Variants in ALCAM observed in about 807,000 individuals in gnomAD.
The protein encoded by ALCAM is CD166 antigen.
Under a neutral mutation model 70.9 loss-of-function variants are expected in ALCAM, and 30 were observed. The ratio of observed to expected loss-of-function variants is 0.42; its 90% CI spans 0.32 to 0.57. The LOEUF (loss-of-function observed/expected upper bound fraction) is 0.57. ALCAM is among the 20% of genes least tolerant of loss of function. The probability of loss-of-function intolerance (pLI) is 0.11; values close to 1 mark genes in which losing one functional copy is unlikely to be tolerated. For synonymous variants in ALCAM, 249 were observed against 242.5 expected, an observed-to-expected ratio of 1.03 and a Z score of -0.25; for missense variants, 591 against 695.1, an observed-to-expected ratio of 0.85 and a Z score of 1.68.
At chr3:105,536,167 T>G (rs1576228117) in intron 6 of ALCAM, among the ~76,000 whole-genome samples, 1 of 151,780 alleles carries the variant, frequency 6.6e-6, no homozygotes, top group South Asian at 2.1e-4. Flanking sequence ...AATCTCAGCT[T>G]ACTGCAACCT....
chr3:105,553,071 A>G (rs528255681), intron 14 of ALCAM: 1 of 992,188 alleles, frequency 1.0e-6, no homozygotes, highest in South Asian at 4.5e-5. Flanking sequence ...GATCCATATA[A>G]GAGTCTATAT....
At chr3:105,378,409 T>A (rs1392197346) in intron 1 of ALCAM, among the ~76,000 whole-genome samples, 1 of 151,960 alleles carries the variant, frequency 6.6e-6, no homozygotes, top group Non-Finnish European at 1.5e-5. Context: ...GCAAGCATTT[T>A]CCCTACCTGG....
intron 1 of ALCAM, among the ~76,000 whole-genome samples, chr3:105,401,651 T>C (rs769080488): frequency 1.4e-4 from 22 of 152,220 alleles, no homozygotes; most frequent in Non-Finnish European, 2.8e-4. Flanking sequence ...TAAATCATTC[T>C]GACTCTTTTA....
chr3:105,450,211 A>G (rs1937394797), intron 1 of ALCAM, among the ~76,000 whole-genome samples: 1 of 152,118 alleles, frequency 6.6e-6, no homozygotes, highest in African/African-American at 2.4e-5. Flanking sequence ...TCATGGGTTG[A>G]GTTCTTTCCT....
intron 3 of ALCAM, chr3:105,525,401 C>A: frequency 1.0e-6 from 1 of 960,338 alleles, no homozygotes; most frequent in Non-Finnish European, 1.2e-6. Flanking sequence ...AAAGTCCCGC[C>A]TCTATTACTT....
intron 1 of ALCAM, among the ~76,000 whole-genome samples, chr3:105,397,647 A>T (rs1382272501): frequency 6.6e-6 from 1 of 152,016 alleles, no homozygotes; most frequent in Non-Finnish European, 1.5e-5. Context: ...ACAACAAATT[A>T]ACCACTCATC....
chr3:105,533,180 T>C (rs1269677664), intron 4 of ALCAM, among the ~76,000 whole-genome samples: 1 of 152,138 alleles, frequency 6.6e-6, no homozygotes, highest in African/African-American at 2.4e-5. Context: ...TCTTGAAATA[T>C]ATGTAGTATG....
At chr3:105,386,913 A>G (rs559291301) in intron 1 of ALCAM, among the ~76,000 whole-genome samples, 18 of 151,580 alleles carry the variant, frequency 1.2e-4, no homozygotes, top group African/African-American at 4.1e-4. Flanking sequence ...GAAAGCACCC[A>G]TCAAAGGTTA....
chr3:105,437,916 C>T (rs185001890), intron 1 of ALCAM, among the ~76,000 whole-genome samples: 178 of 152,154 alleles, frequency 1.2e-3, no homozygotes, highest in Middle Eastern at 6.8e-3. Context: ...TTTTATCAAT[C>T]TTAAATTTAG....
intron 1 of ALCAM, among the ~76,000 whole-genome samples, chr3:105,509,599 A>C (rs970327074): frequency 4.0e-5 from 6 of 151,844 alleles, no homozygotes; most frequent in African/African-American, 1.5e-4. Context: ...AGTTTTATGA[A>C]TTCCTTACAT....
chr3:105,370,007 T>C (rs111558252), intron 1 of ALCAM, among the ~76,000 whole-genome samples: 5 of 152,132 alleles, frequency 3.3e-5, no homozygotes, highest in African/African-American at 1.2e-4. Flanking sequence ...TCTGGATTAT[T>C]TACAAGGAGA....
intron 2 of ALCAM, among the ~76,000 whole-genome samples, chr3:105,521,765 C>T (rs1939551139): frequency 6.6e-6 from 1 of 152,096 alleles, no homozygotes; most frequent in Non-Finnish European, 1.5e-5. Context: ...GAATCCTAAC[C>T]ATACTATGCT....
chr3:105,539,811 G>A (rs570547081), intron 6 of ALCAM, among the ~76,000 whole-genome samples, 164 bp from the exon 7 acceptor site: 32 of 152,148 alleles, frequency 2.1e-4, no homozygotes, highest in African/African-American at 7.2e-4. Context: ...TACTTGTATA[G>A]CAAGTAGCTA....
At chr3:105,535,493 A>T (rs1939948177) in intron 6 of ALCAM, among the ~76,000 whole-genome samples, 1 of 152,122 alleles carries the variant, frequency 6.6e-6, no homozygotes, top group African/African-American at 2.4e-5. Flanking sequence ...TTCTAGTCCC[A>T]GCATTATCAA....
chr3:105,413,920 A>C (rs1489107813), intron 1 of ALCAM, among the ~76,000 whole-genome samples: 1 of 152,130 alleles, frequency 6.6e-6, no homozygotes, highest in East Asian at 1.9e-4. Flanking sequence ...TATTTATCAA[A>C]CATTATTTAG....
Position 105,552,482 on chromosome 3 carries a change from A to C in ALCAM, c.1561A>C (p.Lys521Gln). 6.2e-7 allele frequency: 1 copy of C among 1,611,746 alleles called. No individual in the cohort carries two copies. Among genetic ancestry groups the C allele is most frequent in the East Asian group, 2.2e-5 (1 of 44,820 alleles). ...CTTTGTTGCAGATGAAAACAGAGAA[A>C]AGGTGAATGACCAGGCAAAACTAAT... ...ADEISDENRE[K>Q]VNDQAKLIVG... Residue 521 changes from lysine (K) to glutamine (Q), a missense_variant, in exon 14 of 16, where the codon AAG becomes CAG. Coordinates refer to ENST00000306107, the MANE Select transcript of ALCAM (RefSeq NM_001627.4).
chr3:105,414,736 G>C (rs1213982677), intron 1 of ALCAM, among the ~76,000 whole-genome samples: 1 of 152,074 alleles, frequency 6.6e-6, no homozygotes, highest in East Asian at 1.9e-4. Context: ...AATTTTAAAA[G>C]CATAACTTAT....
chr3:105,496,519 C>G (rs944398452), intron 1 of ALCAM, among the ~76,000 whole-genome samples: 5 of 152,114 alleles, frequency 3.3e-5, no homozygotes, highest in African/African-American at 1.2e-4. Context: ...TTCTGTCCTC[C>G]TCAGTCACTG....
chr3:105,517,813 C>T (rs930383011), intron 1 of ALCAM, among the ~76,000 whole-genome samples: 1 of 152,094 alleles, frequency 6.6e-6, no homozygotes, highest in Non-Finnish European at 1.5e-5. Flanking sequence ...TTGTCAACTG[C>T]TCTCTGATTT....
Sources: allele counts gnomAD v4.1 joint callset (sites outside exome capture counted in the v4.1 genomes callset), GRCh38; gene constraint gnomAD v4.1.1; transcripts MANE v1.5; gene names NCBI Gene and HGNC (gene_info 2026-07-23, HGNC 2026-07-21).